Variants in PI4K2B observed in about 807,000 individuals in gnomAD.
The protein encoded by PI4K2B is phosphatidylinositol 4-kinase type 2-beta.
PI4K2B carries 46 observed loss-of-function variants against 56.6 expected under a neutral mutation model. The observed-to-expected ratio is 0.81, with a 90% CI of 0.64 to 1.04. The LOEUF (loss-of-function observed/expected upper bound fraction) is 1.04, where lower values mean the gene tolerates loss of function less well. PI4K2B is among the 50% of genes least tolerant of loss of function. PI4K2B has a pLI of 0.00. For missense variants in PI4K2B, 556 were observed against 607.7 expected, an observed-to-expected ratio of 0.91 and a Z score of 0.89; for synonymous variants, 211 against 223.8, an observed-to-expected ratio of 0.94 and a Z score of 0.51.
At chr4:25,249,972 C>A (rs1342349097) in intron 1 of PI4K2B, among the ~76,000 whole-genome samples, 1 of 152,198 alleles carries the variant, frequency 6.6e-6, no homozygotes, top group East Asian at 1.9e-4. Flanking sequence ...AATCCCGGCA[C>A]CTCGGGAGGC....
At chr4:25,269,748 C>G (rs1355553093) in intron 9 of PI4K2B, among the ~76,000 whole-genome samples, 1 of 151,560 alleles carries the variant, frequency 6.6e-6, no homozygotes, top group Non-Finnish European at 1.5e-5. Flanking sequence ...GAGTCTCGCT[C>G]TGTAGCCCAG....
intron 9 of PI4K2B, chr4:25,276,520 C>T (rs1179835772): frequency 5.6e-6 from 2 of 354,068 alleles, no homozygotes; most frequent in African/African-American, 4.4e-5. Context: ...TCTACGAAGG[C>T]AGCAAGTTTG....
chr4:25,255,402 C>CTCT, intron 3 of PI4K2B, 137 bp downstream of exon 3: 3 of 665,388 alleles, frequency 4.5e-6, no homozygotes, highest in Non-Finnish European at 5.2e-6. Context: ...TCATGAGTGA[C>CTCT]TGGTAACTAG....
chr4:25,243,387 A>G (rs1451208845), intron 1 of PI4K2B, among the ~76,000 whole-genome samples: 1 of 152,220 alleles, frequency 6.6e-6, no homozygotes. Context: ...AACCACACTG[A>G]TAACAAGCCC....
intron 1 of PI4K2B, among the ~76,000 whole-genome samples, chr4:25,242,225 G>A (rs1338751726): frequency 4.6e-5 from 7 of 152,216 alleles, no homozygotes. Context: ...AAGAGATCTA[G>A]AGTAGCCTGC....
chr4:25,263,989 G>A lies in PI4K2B; in HGVS notation c.1078+140G>A, dbSNP rs544633574. 1.2e-5 allele frequency: 6 copies of A among 495,044 alleles called. No individual in the cohort carries two copies. In the South Asian group the frequency reaches 2.3e-4, roughly 19 times the overall value. The allele number at this position is 495,044 out of a possible 1,614,324, so 30.7% of individuals were successfully genotyped here. A position where few individuals can be genotyped will look rare whatever the true frequency, so the allele number is the denominator to read the frequency against. On this transcript the variant is annotated intron_variant, in intron 7 of 9. Coordinates refer to ENST00000264864, the MANE Select transcript of PI4K2B (RefSeq NM_018323.4). ...ATTAAGGCTCAGTTTTAGGCATTAG[G>A]GATGCAAATGTATACTACAGGGTCT...
intron 6 of PI4K2B, among the ~76,000 whole-genome samples, chr4:25,261,724 A>G (rs1335420968): frequency 1.5e-5 from 1 of 68,476 alleles, no homozygotes; most frequent in African/African-American, 5.7e-5. Context: ...CATAAAGGGA[A>G]CATATTGTAT....
At chr4:25,254,590 T>G (rs1257754279) in intron 2 of PI4K2B, among the ~76,000 whole-genome samples, 4 of 152,026 alleles carry the variant, frequency 2.6e-5, no homozygotes, top group Non-Finnish European at 4.4e-5. Context: ...ATTTTTTGTA[T>G]TTTTAGTAGA....
At chr4:25,268,712 T>G in intron 8 of PI4K2B, 136 bp downstream of exon 8, 1 of 595,308 alleles carries the variant, frequency 1.7e-6, no homozygotes, top group Non-Finnish European at 2.8e-6. Context: ...AGAGAGGAAT[T>G]AGCAGTTTTA....
At chr4:25,246,371 G>A (rs1260193383) in intron 1 of PI4K2B, among the ~76,000 whole-genome samples, 11 of 152,202 alleles carry the variant, frequency 7.2e-5, no homozygotes, top group Admixed American at 1.3e-4. Flanking sequence ...TGATTGGTGC[G>A]TTTACAATCC....
chr4:25,274,635 G>A (rs115933844), intron 9 of PI4K2B, among the ~76,000 whole-genome samples: 1,873 of 152,208 alleles, frequency 0.012, 56 homozygotes, highest in African/African-American at 0.042. Context: ...CCCCAACACC[G>A]TGAGTGCTCA....
At chr4:25,274,371 G>A (rs574193781) in intron 9 of PI4K2B, among the ~76,000 whole-genome samples, 1 of 152,162 alleles carries the variant, frequency 6.6e-6, no homozygotes, top group Non-Finnish European at 1.5e-5. Context: ...TGTCTCCCCT[G>A]GCCTGCAGAA....
At chr4:25,259,306 G>A (rs1716368342) in intron 5 of PI4K2B, 116 bp downstream of exon 5, 1 of 684,988 alleles carries the variant, frequency 1.5e-6, no homozygotes, top group South Asian at 1.9e-5. Context: ...CACTTTCTCT[G>A]TCTGTCTTGG....
At chr4:25,241,480 G>T (rs377514994) in intron 1 of PI4K2B, among the ~76,000 whole-genome samples, 1 of 152,216 alleles carries the variant, frequency 6.6e-6, no homozygotes, top group Non-Finnish European at 1.5e-5. Flanking sequence ...CCCATCCTCT[G>T]GGAGAAAAGT....
At chr4:25,253,560 C>T (rs1302784887) in intron 2 of PI4K2B, among the ~76,000 whole-genome samples, 2 of 151,984 alleles carry the variant, frequency 1.3e-5, no homozygotes, top group East Asian at 3.8e-4. Context: ...TTAATTTGAT[C>T]TTGTTGACTT....
chr4:25,268,498 A>C lies in PI4K2B; in HGVS notation c.1134A>C (p.Ile378=). ...PQAKVPFSEE[I]RNLILPYISD... is the part of the protein sequence containing the mutation. ...CAAAAGTTCCCTTTTCTGAAGAAAT[A>C]AGAAATTTGATTCTACCATATATTT... Residue 378 remains isoleucine, a synonymous_variant, in exon 8 of 10, where the codon ATA becomes ATC. Coordinates refer to ENST00000264864, the MANE Select transcript of PI4K2B (RefSeq NM_018323.4). 6.2e-7 allele frequency: 1 copy of C among 1,601,226 alleles called. No homozygotes were observed. The highest frequency in any genetic ancestry group is 8.5e-7 in the Non-Finnish European group (1 of 1,171,334).
chr4:25,235,727 T>G (rs1715234108), intron 1 of PI4K2B, among the ~76,000 whole-genome samples: 1 of 152,192 alleles, frequency 6.6e-6, no homozygotes, highest in Non-Finnish European at 1.5e-5. Context: ...TAGCTTGCCT[T>G]TTTCTGTCCC....
At chr4:25,249,763 A>G (rs1346050017) in intron 1 of PI4K2B, among the ~76,000 whole-genome samples, 1 of 150,736 alleles carries the variant, frequency 6.6e-6, no homozygotes, top group East Asian at 2.0e-4. Context: ...GGCCCTCCCC[A>G]CATCCCAGAC....
rs116845151 is a variant in PI4K2B at position 25,243,120 on chromosome 4, C to A, written c.268+8689C>A. Among the ~76,000 whole-genome samples, 178 of 152,268 alleles carry A rather than the reference C, an allele frequency of 1.2e-3. 2 individuals carry two copies. The South Asian group carries it at 0.021, about 18-fold the overall frequency. On this transcript the variant is annotated intron_variant, in intron 1 of 9. Transcript: ENST00000264864. ...AGATTAACACTGAGAAGGCCGCGCC[C>A]GTGTCCAGGATGAAGTCAATTTCCT...
Sources: allele counts gnomAD v4.1 joint callset (sites outside exome capture counted in the v4.1 genomes callset), GRCh38; gene constraint gnomAD v4.1.1; transcripts MANE v1.5; gene names NCBI Gene and HGNC (gene_info 2026-07-23, HGNC 2026-07-21).